The following MAGI1 variants were observed in gnomAD, a reference collection of about 807,000 sequenced individuals.
MAGI1 encodes the protein membrane-associated guanylate kinase, WW and PDZ domain-containing protein 1.
A neutral mutation model predicts 139.9 loss-of-function variants in MAGI1; 58 were observed. The observed-to-expected ratio is 0.41, with a 90% CI of 0.34 to 0.52. The LOEUF is 0.52. Among genes scored for constraint, MAGI1 ranks in the 20% least tolerant of loss-of-function variants. MAGI1 has a pLI of 0.12. For synonymous variants in MAGI1, 812 were observed against 737.9 expected (o/e 1.10, Z -1.63); for missense variants, 1,874 against 1,901.6 (o/e 0.99, Z 0.27).
intron 21 of MAGI1, among the ~76,000 whole-genome samples, chr3:65,361,906 C>T (rs1165647444): frequency 6.6e-6 from 1 of 152,174 alleles, no homozygotes; most frequent in East Asian, 1.9e-4. Context: ...GCTTAAAAAG[C>T]AAACCCTTCC....
At chr3:65,679,043 T>C (rs989062523) in intron 1 of MAGI1, among the ~76,000 whole-genome samples, 2 of 152,178 alleles carry the variant, frequency 1.3e-5, no homozygotes, top group East Asian at 1.9e-4. Context: ...TCCTCAATCA[T>C]GTTGTTTAAT....
At chr3:65,585,508 A>T (rs1263355048) in intron 2 of MAGI1, among the ~76,000 whole-genome samples, 2 of 152,212 alleles carry the variant, frequency 1.3e-5, no homozygotes, top group Non-Finnish European at 2.9e-5. Context: ...AATGTTTTTA[A>T]TTTTAATACC....
intron 1 of MAGI1, among the ~76,000 whole-genome samples, chr3:65,624,591 A>C (rs1187920073): frequency 6.6e-6 from 1 of 152,210 alleles, no homozygotes; most frequent in Non-Finnish European, 1.5e-5. Context: ...GGAACGGACT[A>C]ATTTATAGTG....
At chr3:65,962,236 A>G (rs1468123362) in intron 1 of MAGI1, among the ~76,000 whole-genome samples, 2 of 148,948 alleles carry the variant, frequency 1.3e-5, no homozygotes, top group East Asian at 2.0e-4. Context: ...TCTCCTACTC[A>G]GCCTCCTGAG....
At chr3:65,412,246 T>C (rs1945852653) in intron 12 of MAGI1, among the ~76,000 whole-genome samples, 1 of 152,174 alleles carries the variant, frequency 6.6e-6, no homozygotes, top group Non-Finnish European at 1.5e-5. Context: ...GGCTGCTCCC[T>C]CTGCCTGGAA....
At chr3:65,843,410 G>C (rs761490835) in intron 1 of MAGI1, among the ~76,000 whole-genome samples, 7 of 152,160 alleles carry the variant, frequency 4.6e-5, no homozygotes, top group Non-Finnish European at 8.8e-5. Flanking sequence ...CTGAAGCTCA[G>C]GATCCCAAGT....
intron 1 of MAGI1, among the ~76,000 whole-genome samples, chr3:65,651,671 T>C (rs533495866): frequency 8.2e-4 from 125 of 152,212 alleles, no homozygotes; most frequent in African/African-American, 2.6e-3. Flanking sequence ...CAGACAGACA[T>C]CCCAGGCATG....
At chr3:65,705,804 G>A (rs2030158658) in intron 1 of MAGI1, among the ~76,000 whole-genome samples, 1 of 152,212 alleles carries the variant, frequency 6.6e-6, no homozygotes, top group African/African-American at 2.4e-5. Context: ...CTCTTGTTCA[G>A]ACAGGGTTAA....
At chr3:66,000,783 A>G (rs2066700797) in intron 1 of MAGI1, among the ~76,000 whole-genome samples, 1 of 152,180 alleles carries the variant, frequency 6.6e-6, no homozygotes, top group Non-Finnish European at 1.5e-5. Context: ...CACAGGCTAA[A>G]CCTTTCATAT....
chr3:65,994,286 A>AAAAAAAAAAAAC (rs1337010188), intron 1 of MAGI1, among the ~76,000 whole-genome samples: 19 of 151,744 alleles, frequency 1.3e-4, no homozygotes, highest in African/African-American at 4.4e-4. Flanking sequence ...AAAAAAAAAA[A>AAAAAAAAAAAAC]AAAACACTGG....
intron 1 of MAGI1, among the ~76,000 whole-genome samples, chr3:65,949,715 C>T (rs2063704337): frequency 6.6e-6 from 1 of 152,146 alleles, no homozygotes; most frequent in South Asian, 2.1e-4. Context: ...TATCTAAATT[C>T]CCAAGTTTTT....
At chr3:65,780,163 A>G (rs1374568926) in intron 1 of MAGI1, among the ~76,000 whole-genome samples, 1 of 152,032 alleles carries the variant, frequency 6.6e-6, no homozygotes, top group East Asian at 1.9e-4. Flanking sequence ...GCTGTGGACT[A>G]CAAGTATGCA....
chr3:65,810,070 A>G (rs2041127596), intron 1 of MAGI1, among the ~76,000 whole-genome samples: 2 of 152,166 alleles, frequency 1.3e-5, no homozygotes, highest in Admixed American at 1.3e-4. Flanking sequence ...CCAAAGTATC[A>G]TGGTTTCAAG....
At chr3:66,015,368 C>A (rs2067575607) in intron 1 of MAGI1, among the ~76,000 whole-genome samples, 2 of 152,024 alleles carry the variant, frequency 1.3e-5, no homozygotes, top group African/African-American at 4.8e-5. Flanking sequence ...CATCCATTTC[C>A]TCATTGATAA....
At chr3:65,739,049 T>A (rs72908217) in intron 1 of MAGI1, among the ~76,000 whole-genome samples, 1 of 152,244 alleles carries the variant, frequency 6.6e-6, no homozygotes, top group Non-Finnish European at 1.5e-5. Flanking sequence ...GCTAGGAAAG[T>A]CCTGGACAAC....
At chr3:65,979,537 G>T (rs992462455) in intron 1 of MAGI1, among the ~76,000 whole-genome samples, 6 of 152,044 alleles carry the variant, frequency 3.9e-5, no homozygotes, top group African/African-American at 1.4e-4. Context: ...CTTGCTTCAG[G>T]GAATTTTAAT....
At chr3:65,470,518 A>AGG (rs1379534929) in intron 4 of MAGI1, 34 bp from the exon 5 acceptor site, 5 of 1,360,836 alleles carry the variant, frequency 3.7e-6, no homozygotes, top group Non-Finnish European at 5.0e-6. Flanking sequence ...AGAGAGAGAG[A>AGG]GAGAGAAAAA....
chr3:65,980,145 G>C (rs974550444), intron 1 of MAGI1, among the ~76,000 whole-genome samples: 1 of 152,220 alleles, frequency 6.6e-6, no homozygotes, highest in African/African-American at 2.4e-5. Flanking sequence ...GGGCCAAAAA[G>C]TTAGGTGTTT....
chr3:65,445,497 C>A (rs781283024), intron 7 of MAGI1, among the ~76,000 whole-genome samples: 6 of 152,122 alleles, frequency 3.9e-5, no homozygotes, highest in Non-Finnish European at 8.8e-5. Flanking sequence ...GTTCTAAGTT[C>A]TTTTCAAAGA....
Sources: gnomAD v4.1 joint callset for allele counts (sites outside exome capture counted in the v4.1 genomes callset) on GRCh38, gnomAD v4.1.1 for gene constraint, MANE v1.5 for transcripts, NCBI Gene and HGNC (gene_info 2026-07-23, HGNC 2026-07-21) for gene names.